RAB3B: variants seen among roughly 807,000 people sequenced by gnomAD.
RAB3B encodes the protein ras-related protein Rab-3B.
RAB3B carries 11 observed loss-of-function variants against 20.5 expected under a neutral mutation model. The ratio of observed to expected loss-of-function variants is 0.54; its 90% confidence interval spans 0.34 to 0.89. The LOEUF is 0.89. Among genes scored for constraint, RAB3B ranks in the 40% least tolerant of loss-of-function variants. RAB3B has a pLI of 0.02. For missense variants in RAB3B, 225 were observed against 280.9 expected, an observed-to-expected ratio of 0.80 and a Z score of 1.42; for synonymous variants, 99 against 106.3, an observed-to-expected ratio of 0.93 and a Z score of 0.42.
At chr1:51,990,141 T>C (rs1180278682) in intron 1 of RAB3B, among the ~76,000 whole-genome samples, 2 of 86,728 alleles carry the variant, frequency 2.3e-5, no homozygotes, top group Non-Finnish European at 4.4e-5. Context: ...GTCCGCTCCC[T>C]TCACCGCCCC....
intron 2 of RAB3B, among the ~76,000 whole-genome samples, chr1:51,970,653 G>A (rs530976457): frequency 5.9e-5 from 9 of 152,160 alleles, no homozygotes; most frequent in African/African-American, 2.2e-4. Flanking sequence ...ACTTCATACT[G>A]TGCTAGTGAG....
chr1:51,946,239 T>C (rs1025480733), intron 2 of RAB3B, among the ~76,000 whole-genome samples: 2 of 152,174 alleles, frequency 1.3e-5, no homozygotes, highest in Non-Finnish European at 2.9e-5. Context: ...GTTGATATTG[T>C]TGACATTTTT....
Position 51,912,145 on chromosome 1 carries a change from G to A in RAB3B, c.*7782C>T, listed in dbSNP as rs1202611404. 1.4e-5 allele frequency: 2 copies of A among 144,960 alleles called. No homozygotes were observed. The highest frequency in any genetic ancestry group is 2.2e-4 in the South Asian group (1 of 4,486). 9.0% of individuals were successfully genotyped at this position (144,960 alleles called of 1,614,324 possible). A position where few individuals can be genotyped will look rare whatever the true frequency, so the allele number is the denominator to read the frequency against. On this transcript the variant is annotated 3_prime_UTR_variant, in exon 5 of 5. Coordinates refer to ENST00000371655, the MANE Select transcript of RAB3B (RefSeq NM_002867.4). ...CTTTTTTTTTTTTTTTTGAGAGGGG[G>A]ACAGGGTCTTGCTCTGTCACCCAGG...
At chr1:51,938,513 A>T (rs974243936) in intron 2 of RAB3B, among the ~76,000 whole-genome samples, 3 of 40,800 alleles carry the variant, frequency 7.4e-5, no homozygotes, top group Non-Finnish European at 2.2e-4. Context: ...AAGTTCATGT[A>T]TGTAAGAATA....
chr1:51,931,132 G>A (rs1489511919), intron 4 of RAB3B, among the ~76,000 whole-genome samples: 2 of 151,986 alleles, frequency 1.3e-5, no homozygotes, highest in Non-Finnish European at 2.9e-5. Context: ...AATTCCAGTG[G>A]CGTGAGTCCC....
At chr1:51,976,818 C>T (rs1685015237) in intron 2 of RAB3B, 72 bp downstream of exon 2, 1 of 1,372,362 alleles carries the variant, frequency 7.3e-7, no homozygotes, top group African/African-American at 1.4e-5. Context: ...AAGCTGGCCC[C>T]ACCTCTAAGC....
intron 4 of RAB3B, among the ~76,000 whole-genome samples, chr1:51,931,884 G>C (rs1684331955): frequency 6.6e-6 from 1 of 152,014 alleles, no homozygotes; most frequent in Non-Finnish European, 1.5e-5. Context: ...TCAGTCCAGG[G>C]AGAGTGCTGG....
Position 51,933,332 on chromosome 1 carries a change from A to G in RAB3B, c.458T>C (p.Leu153Pro). 6.2e-7 allele frequency: 1 copy of G among 1,614,054 alleles called. No individual in the cohort carries two copies. The highest frequency in any genetic ancestry group is 8.5e-7 in the Non-Finnish European group (1 of 1,179,968). ...RVVPTEKGQLLAEQLGFDFFE... is the reference protein window; with the variant it reads ...RVVPTEKGQLPAEQLGFDFFE... ...CATGTACATACCAAGCTGCTCTGCA[A>G]GGAGCTGGCCCTTCTCAGTGGGAAC... Residue 153 changes from leucine to proline, a missense_variant, in exon 4 of 5, where the codon CTT becomes CCT. Physicochemically the swap from Leu to Pro is moderately conservative, Grantham distance 98 (BLOSUM62 -3). Coordinates refer to ENST00000371655, the MANE Select transcript of RAB3B (RefSeq NM_002867.4).
chr1:51,949,830 C>T (rs368280997), intron 2 of RAB3B, among the ~76,000 whole-genome samples: 86 of 152,318 alleles, frequency 5.6e-4, no homozygotes, highest in African/African-American at 1.9e-3. Flanking sequence ...TGCCTTCCAC[C>T]AGTGGAGGGC....
Position 51,911,093 on chromosome 1 carries a change from G to A in RAB3B, c.*8834C>T, listed in dbSNP as rs1276092110. Reference sequence around the variant, plus strand: ...ATGTCACTGAGATGGCTGAGAAATAGGAACGGATGTGGAGAAAGGAGTGGC... The same window carrying A: ...ATGTCACTGAGATGGCTGAGAAATAAGAACGGATGTGGAGAAAGGAGTGGC... On this transcript the variant is annotated 3_prime_UTR_variant, in exon 5 of 5. Coordinates refer to ENST00000371655, the MANE Select transcript of RAB3B (RefSeq NM_002867.4). The A allele has an allele frequency of 6.6e-6, 1 of 152,262 alleles. No homozygotes were observed. Among genetic ancestry groups the A allele is most frequent in the Admixed American group, 6.5e-5 (1 of 15,278 alleles). 9.4% of individuals were successfully genotyped at this position (152,262 alleles called of 1,614,324 possible). A position where few individuals can be genotyped will look rare whatever the true frequency, so the allele number is the denominator to read the frequency against.
At chr1:51,938,049 C>T (rs1571962740) in intron 2 of RAB3B, among the ~76,000 whole-genome samples, 2 of 132,906 alleles carry the variant, frequency 1.5e-5, no homozygotes, top group South Asian at 4.8e-4. Context: ...GTTGCCCAGG[C>T]TGAGAGCCCT....
Position 51,910,200 on chromosome 1 carries a change from T to C in RAB3B, c.*9727A>G, listed in dbSNP as rs12078415. 0.68 allele frequency: 103,161 copies of C among 151,946 alleles called. 35,252 individuals carry two copies. The highest frequency in any genetic ancestry group is 0.89 in the East Asian group (4,612 of 5,174). 9.4% of individuals were successfully genotyped at this position (151,946 alleles called of 1,614,324 possible). A position where few individuals can be genotyped will look rare whatever the true frequency, so the allele number is the denominator to read the frequency against. ...TGAAACCTCATCCTGTGGTCTGATG[T>C]CTACAGGGGTTGGAAGATAGTTTAC... On this transcript the variant is annotated 3_prime_UTR_variant, in exon 5 of 5. Coordinates refer to ENST00000371655, the MANE Select transcript of RAB3B (RefSeq NM_002867.4).
rs966475216 is a variant in RAB3B, at chr1:51,912,415, A to G, written c.*7512T>C. 4 of 149,238 alleles carry G rather than the reference A, an allele frequency of 2.7e-5. No homozygotes were observed. Among genetic ancestry groups the G allele is most frequent in the African/African-American group, 9.8e-5 (4 of 40,654 alleles). 9.2% of individuals were successfully genotyped at this position (149,238 alleles called of 1,614,324 possible). Reference sequence around the variant, plus strand: ...GTTCATTTATTTAGATTTTTAAGAGATTGCCATTGAGGCTGGATGCGGTGG... The same window carrying G: ...GTTCATTTATTTAGATTTTTAAGAGGTTGCCATTGAGGCTGGATGCGGTGG... On this transcript the variant is annotated 3_prime_UTR_variant, in exon 5 of 5. Coordinates refer to ENST00000371655, the MANE Select transcript of RAB3B (RefSeq NM_002867.4).
chr1:51,949,468 G>A (rs113632214), intron 2 of RAB3B, among the ~76,000 whole-genome samples: 8 of 152,136 alleles, frequency 5.3e-5, no homozygotes, highest in Admixed American at 4.6e-4. Flanking sequence ...CACAAATCCC[G>A]TGGCCACTGC....
At chr1:51,982,775 TA>T (rs1442090503) in intron 1 of RAB3B, among the ~76,000 whole-genome samples, 2 of 151,262 alleles carry the variant, frequency 1.3e-5, no homozygotes, top group African/African-American at 4.9e-5. Context: ...TAATAATAAA[TA>T]AAAAATAAAA....
rs1172149466 is a variant in RAB3B at position 51,911,764 on chromosome 1, T to C, written c.*8163A>G. ...CAGCTTTAGACCTCATATCTTCAAA[T>C]ATTTGCCACTCAAATGGAAAAAGAA... is the stretch of plus-strand genomic sequence containing the variant. On this transcript the variant is annotated 3_prime_UTR_variant, in exon 5 of 5. Transcript: ENST00000371655. 2 of 152,200 alleles carry C rather than the reference T, an allele frequency of 1.3e-5. No individual in the cohort carries two copies. The highest frequency in any genetic ancestry group is 4.8e-5 in the African/African-American group (2 of 41,464). The allele number at this position is 152,200 out of a possible 1,614,324, so 9.4% of individuals were successfully genotyped here. A position where few individuals can be genotyped will look rare whatever the true frequency, so the allele number is the denominator to read the frequency against.
chr1:51,978,090 A>C (rs1268368667), intron 1 of RAB3B, among the ~76,000 whole-genome samples: 5 of 152,216 alleles, frequency 3.3e-5, no homozygotes, highest in Admixed American at 6.5e-5. Context: ...TTGGAGATCC[A>C]GATCAAGTGC....
intron 1 of RAB3B, among the ~76,000 whole-genome samples, chr1:51,988,117 A>G (rs570249554): frequency 1.3e-5 from 2 of 152,250 alleles, no homozygotes; most frequent in East Asian, 3.9e-4. Context: ...CACAGTTCAA[A>G]CCCATGCTGT....
At chr1:51,983,602 T>A (rs1258779204) in intron 1 of RAB3B, among the ~76,000 whole-genome samples, 1 of 152,126 alleles carries the variant, frequency 6.6e-6, no homozygotes, top group Non-Finnish European at 1.5e-5. Context: ...TCCTTGTCAT[T>A]AGCAATGCAA....
Sources: gnomAD v4.1 joint callset for allele counts (sites outside exome capture counted in the v4.1 genomes callset) on GRCh38, gnomAD v4.1.1 for gene constraint, MANE v1.5 for transcripts, NCBI Gene and HGNC (gene_info 2026-07-23, HGNC 2026-07-21) for gene names.